The following NTRK1 variants were observed in gnomAD, a reference collection of about 807,000 sequenced individuals.
NTRK1 encodes high affinity nerve growth factor receptor.
In NTRK1, 62 loss-of-function variants were observed where a neutral mutation model predicts 86.8. The observed-to-expected ratio is 0.71, with a 90% CI of 0.58 to 0.88. NTRK1 has a LOEUF of 0.88. NTRK1 is among the 40% of genes least tolerant of loss of function. The probability of loss-of-function intolerance (pLI) is 0.00; values close to 1 mark genes in which losing one functional copy is unlikely to be tolerated. For synonymous variants in NTRK1, 469 were observed against 456.6 expected (o/e 1.03, Z -0.35); for missense variants, 967 against 1,078.4 (o/e 0.90, Z 1.45).
Position 156,840,978 on chromosome 1 carries a change from C to T in NTRK1, c.-63-1103C>T, listed in dbSNP as rs370144321. On this transcript the variant is annotated intron_variant, in intron 1 of 16. Coordinates refer to the NTRK1 transcript ENST00000392302. ...GGGAGCCCCGGGCCCCCCGGCATTCCGGGCTGTAGTAGAAGGAGAGGAGGC... is the reference window on the plus strand; with the variant it reads ...GGGAGCCCCGGGCCCCCCGGCATTCTGGGCTGTAGTAGAAGGAGAGGAGGC... The T allele has an allele frequency of 6.1e-5, 99 of 1,613,514 alleles. No homozygotes were observed. Among genetic ancestry groups the T allele is most frequent in the Admixed American group, 1.3e-4 (8 of 59,948 alleles).
At chr1:156,828,409 GA>G (rs902005247) in intron 1 of NTRK1, among the ~76,000 whole-genome samples, 1 of 150,818 alleles carries the variant, frequency 6.6e-6, no homozygotes, top group East Asian at 1.9e-4. Flanking sequence ...ACATTTTGAG[GA>G]AAAAAAAAGC....
At chr1:156,860,769 G>T, upstream of NTRK1, 1 of 1,273,854 alleles carries the variant, frequency 7.9e-7, no homozygotes, top group Non-Finnish European at 1.0e-6. Flanking sequence ...TAGGAAGCGG[G>T]TGGAGAAGAG....
intron 4 of NTRK1, 90 bp downstream of exon 4, chr1:156,867,068 T>C (rs1655971603): frequency 1.5e-6 from 2 of 1,316,448 alleles, no homozygotes; most frequent in Non-Finnish European, 2.2e-6. Context: ...GGTCACTGTG[T>C]CTGTGTGACA....
At chr1:156,878,802 A>G (rs574301950) in intron 14 of NTRK1, among the ~76,000 whole-genome samples, 7 of 152,264 alleles carry the variant, frequency 4.6e-5, no homozygotes, top group African/African-American at 7.2e-5. Flanking sequence ...CCGAGCTCCA[A>G]TTGGCAAGGG....
intron 2 of NTRK1, among the ~76,000 whole-genome samples, chr1:156,852,911 G>A (rs1655276379): frequency 6.6e-6 from 1 of 152,162 alleles, no homozygotes; most frequent in African/African-American, 2.4e-5. Context: ...CCCTGCTGCT[G>A]AGGCGCTGGG....
chr1:156,862,435 G>A (rs573968425), intron 1 of NTRK1, among the ~76,000 whole-genome samples: 42 of 152,242 alleles, frequency 2.8e-4, no homozygotes, highest in African/African-American at 9.9e-4. Context: ...TCCCCATCAG[G>A]GCTCGTGTTT....
intron 1 of NTRK1, among the ~76,000 whole-genome samples, chr1:156,835,920 G>A (rs1044144220): frequency 6.6e-6 from 1 of 152,172 alleles, no homozygotes; most frequent in African/African-American, 2.4e-5. Context: ...TCTAGGGAGG[G>A]TTGCTAGCCA....
At chr1:156,844,428 G>A (rs766227198) in intron 2 of NTRK1, 13 of 1,602,260 alleles carry the variant, frequency 8.1e-6, no homozygotes, top group East Asian at 2.2e-5. Flanking sequence ...AGGGCTGTTC[G>A]GTGATACAGG....
intron 1 of NTRK1, among the ~76,000 whole-genome samples, chr1:156,823,988 G>A (rs1654256304): frequency 1.3e-5 from 2 of 152,202 alleles, no homozygotes; most frequent in African/African-American, 4.8e-5. Context: ...TGCCAGTGCT[G>A]GGCCTGGATG....
chr1:156,829,716 G>C (rs1387986551), intron 1 of NTRK1, among the ~76,000 whole-genome samples: 1 of 152,074 alleles, frequency 6.6e-6, no homozygotes. Flanking sequence ...GCAGTGGCAC[G>C]ATCTCGGCTC....
chr1:156,835,103 A>C (rs892644150), intron 1 of NTRK1, among the ~76,000 whole-genome samples: 6 of 152,156 alleles, frequency 3.9e-5, no homozygotes, highest in South Asian at 2.1e-4. Flanking sequence ...TTATAGCCCC[A>C]AAATCCTGTA....
chr1:156,862,021 A>G (rs1655675779), intron 1 of NTRK1, among the ~76,000 whole-genome samples: 2 of 152,244 alleles, frequency 1.3e-5, no homozygotes, highest in Non-Finnish European at 2.9e-5. Flanking sequence ...CTTGAATATT[A>G]CATATGGCTA....
Position 156,879,532 on chromosome 1 carries a change from C to T in NTRK1, c.2046+170C>T, listed in dbSNP as rs146585187. On this transcript the variant is annotated intron_variant, in intron 15 of 16. Transcript: ENST00000524377. ...CTCCTGGTGGAGGGGGCTCTGTCTC[C>T]TTCGCTATCCCAGATGGAAACAGCA... Among the ~76,000 whole-genome samples the T allele has an allele frequency of 5.2e-3, 790 of 152,244 alleles. 6 individuals carry two copies. Among genetic ancestry groups the T allele is most frequent in the African/African-American group, 0.018 (761 of 41,548 alleles).
chr1:156,829,946 C>T (rs1654425935), intron 1 of NTRK1, among the ~76,000 whole-genome samples: 1 of 152,254 alleles, frequency 6.6e-6, no homozygotes, highest in Admixed American at 6.5e-5. Context: ...AGCCACTACG[C>T]TTGGCCCAGT....
rs540788563 is a variant in NTRK1 at position 156,867,652 on chromosome 1, C to A, written c.429-452C>A. On this transcript the variant is annotated intron_variant, in intron 4 of 16. Coordinates refer to ENST00000524377, the MANE Select transcript of NTRK1 (RefSeq NM_002529.4). ...CTGGCTTATTTCTTTTCTTTTCTTT[C>A]TTTCTTTTCTTTTCTTTTCTTTTTT... Among the ~76,000 whole-genome samples the A allele has an allele frequency of 5.6e-3, 834 of 149,348 alleles. 6 individuals are homozygous for A. The highest frequency in any genetic ancestry group is 8.4e-3 in the Non-Finnish European group (565 of 67,414).
At chr1:156,867,080 T>C (rs1655972012) in intron 4 of NTRK1, 102 bp downstream of exon 4, 1 of 1,200,682 alleles carries the variant, frequency 8.3e-7, no homozygotes, top group East Asian at 2.3e-5. Flanking sequence ...TGTGTGACAC[T>C]GCTGGGGGGT....
chr1:156,853,747 C>T, intron 2 of NTRK1: 1 of 1,592,456 alleles, frequency 6.3e-7, no homozygotes, highest in Non-Finnish European at 8.6e-7. Flanking sequence ...TGTGCCAGTG[C>T]CCACCTCTCT....
At chr1:156,862,274 T>C (rs1655687726) in intron 1 of NTRK1, among the ~76,000 whole-genome samples, 1 of 152,128 alleles carries the variant, frequency 6.6e-6, no homozygotes, top group African/African-American at 2.4e-5. Flanking sequence ...CTAATAGCTC[T>C]AGGGAGACCA....
Position 156,873,774 on chromosome 1 carries a change from A to G in NTRK1, c.992A>G (p.Glu331Gly). 1 of 1,613,052 alleles carries G rather than the reference A, an allele frequency of 6.2e-7. No individual in the cohort carries two copies. The highest frequency in any genetic ancestry group is 8.5e-7 in the Non-Finnish European group (1 of 1,179,746). Residue 331 changes from glutamate (E) to glycine (G), a missense_variant, in exon 8 of 17, where the codon GAG (glutamate) becomes GGG (glycine). Glu to Gly is a moderately conservative substitution (Grantham distance 98). Transcript: ENST00000524377. ...AATGAGACCAGCTTCATCTTCACTG[A>G]GTTCCTGGAGCCGGCAGCCAATGAG... Reference protein sequence around the residue: ...VLNETSFIFTEFLEPAANETV... With the variant: ...VLNETSFIFTGFLEPAANETV...
Sources: allele counts gnomAD v4.1 joint callset (sites outside exome capture counted in the v4.1 genomes callset), GRCh38; gene constraint gnomAD v4.1.1; transcripts MANE v1.5; gene names NCBI Gene and HGNC (gene_info 2026-07-23, HGNC 2026-07-21).